The following ADAM10 variants were observed in gnomAD, a reference collection of about 807,000 sequenced individuals.
ADAM10 encodes the protein disintegrin and metalloproteinase domain-containing protein 10.
ADAM10 carries 17 observed loss-of-function variants against 90.1 expected under a neutral mutation model. That is an observed-to-expected ratio of 0.19 (90% CI 0.13 to 0.28). The LOEUF (loss-of-function observed/expected upper bound fraction) is 0.28, where lower values mean the gene tolerates loss of function less well. Ranked by LOEUF, ADAM10 falls within the 10% of genes least tolerant of loss-of-function variation. The pLI, the probability that ADAM10 is intolerant of heterozygous loss-of-function variation, is 1.00. For missense variants in ADAM10, 610 were observed against 914.3 expected (o/e 0.67, Z 4.29); for synonymous variants, 310 against 298.6 (o/e 1.04, Z -0.40).
rs16940634 is a variant in ADAM10 at position 58,636,473 on chromosome 15, T to A, written c.1013-3114A>T. 8.3e-3 allele frequency among the ~76,000 whole-genome samples: 1,270 copies of A among 152,264 alleles called. 19 individuals carry two copies. Among genetic ancestry groups the A allele is most frequent in the African/African-American group, 0.029 (1,209 of 41,546 alleles). On this transcript the variant is annotated intron_variant, in intron 8 of 15. Transcript: ENST00000260408. ...ATCATATATACCCACAGCTAAACCA[T>A]TAACTCAAACTCAATTGCTATATAT...
intron 8 of ADAM10, among the ~76,000 whole-genome samples, chr15:58,638,383 A>G (rs1896324559): frequency 6.6e-6 from 1 of 152,024 alleles, no homozygotes; most frequent in Non-Finnish European, 1.5e-5. Flanking sequence ...ATGAAAATAG[A>G]GGCGGGCGGA....
intron 8 of ADAM10, among the ~76,000 whole-genome samples, chr15:58,639,434 G>T (rs1896356214): frequency 6.6e-6 from 1 of 152,170 alleles, no homozygotes; most frequent in Non-Finnish European, 1.5e-5. Flanking sequence ...ACTTACTAAT[G>T]AATAGGGAGA....
At chr15:58,697,330 C>T (rs750993087) in intron 2 of ADAM10, among the ~76,000 whole-genome samples, 1 of 152,130 alleles carries the variant, frequency 6.6e-6, no homozygotes, top group African/African-American at 2.4e-5. Context: ...GAAAGCAACC[C>T]TTCCCTCCCC....
chr15:58,642,971 C>G (rs1896454309), intron 7 of ADAM10, among the ~76,000 whole-genome samples: 1 of 152,054 alleles, frequency 6.6e-6, no homozygotes, highest in South Asian at 2.1e-4. Flanking sequence ...TACTAAACTT[C>G]TCTAGTATAG....
chr15:58,598,004 G>A (rs1895003153), intron 15 of ADAM10, among the ~76,000 whole-genome samples: 1 of 152,102 alleles, frequency 6.6e-6, no homozygotes, highest in Non-Finnish European at 1.5e-5. Flanking sequence ...TCAGTGCTCA[G>A]CAGCCACAAG....
chr15:58,654,380 T>G (rs577228897), intron 5 of ADAM10, among the ~76,000 whole-genome samples: 2 of 152,160 alleles, frequency 1.3e-5, no homozygotes, highest in African/African-American at 4.8e-5. Context: ...TGTGTTATGT[T>G]GTGTTTTCTT....
At chr15:58,632,882 T>C (rs1337702866) in intron 9 of ADAM10, among the ~76,000 whole-genome samples, 1 of 152,246 alleles carries the variant, frequency 6.6e-6, no homozygotes, top group African/African-American at 2.4e-5. Context: ...TGATTCTCAT[T>C]CAAAAGATAT....
intron 3 of ADAM10, among the ~76,000 whole-genome samples, chr15:58,679,845 T>C (rs1298541310): frequency 1.3e-5 from 2 of 152,036 alleles, no homozygotes; most frequent in East Asian, 3.9e-4. Context: ...GAGGCGGAGG[T>C]TGCTGTGAGC....
At chr15:58,618,446 A>G (rs1895683134) in intron 11 of ADAM10, among the ~76,000 whole-genome samples, 1 of 152,218 alleles carries the variant, frequency 6.6e-6, no homozygotes, top group Non-Finnish European at 1.5e-5. Flanking sequence ...ATATCAGGAC[A>G]TTGATCTGAG....
At chr15:58,687,038 G>C (rs1377052465) in intron 2 of ADAM10, among the ~76,000 whole-genome samples, 1 of 152,090 alleles carries the variant, frequency 6.6e-6, no homozygotes, top group African/African-American at 2.4e-5. Flanking sequence ...TGTTGTTCCT[G>C]GAAGATATTT....
chr15:58,689,954 A>ACCGC (rs768784057), intron 2 of ADAM10, among the ~76,000 whole-genome samples: 1 of 117,628 alleles, frequency 8.5e-6, no homozygotes, highest in Non-Finnish European at 1.7e-5. Flanking sequence ...ACCCCCCCCA[A>ACCGC]AAAAAAAAAA....
At position 58,610,626 on chromosome 15, in the gene ADAM10, C is replaced by T. The variant is rs537268062; in HGVS notation, c.1805-109G>A. The T allele has an allele frequency of 2.8e-5, 29 of 1,052,716 alleles. No individual in the cohort carries two copies. In the South Asian group the frequency reaches 3.8e-4, roughly 14 times the overall value. The allele number at this position is 1,052,716 out of a possible 1,614,324, so 65.2% of individuals were successfully genotyped here. A position where few individuals can be genotyped will look rare whatever the true frequency, so the allele number is the denominator to read the frequency against. ...GAGGGAAAAAAAACTGAAATCATTA[C>T]CATAACATGTTATACAGACCTTCTC... On this transcript the variant is annotated intron_variant, in intron 13 of 15. Coordinates refer to ENST00000260408, the MANE Select transcript of ADAM10 (RefSeq NM_001110.4).
chr15:58,621,754 A>G (rs565520924), intron 10 of ADAM10, 133 bp from the exon 11 acceptor site: 1 of 1,153,550 alleles, frequency 8.7e-7, no homozygotes, highest in Non-Finnish European at 1.3e-6. Flanking sequence ...CAAACTAGGA[A>G]TCTGGAAATT....
At chr15:58,650,490 G>C (rs1251463014) in intron 5 of ADAM10, among the ~76,000 whole-genome samples, 1 of 152,078 alleles carries the variant, frequency 6.6e-6, no homozygotes. Flanking sequence ...AGTCCTTCAA[G>C]GTCCCAACCA....
In ADAM10 at chr15:58,647,248, A is replaced by ATTTCTTTTT. The variant is rs1162350060; in HGVS notation, c.586-1045_586-1044insAAAAAGAAA. On this transcript the variant is annotated intron_variant, in intron 5 of 15. Transcript: ENST00000260408. ...TGGCAGCAAAGAGTAGACACTAAGTATTTTTTTTTTTTTTTTTTTTTTTTT... is the reference window on the plus strand; with the variant it reads ...TGGCAGCAAAGAGTAGACACTAAGTATTTCTTTTTTTTTTTTTTTTTTTTTTTTTTTTTT... Among the ~76,000 whole-genome samples the ATTTCTTTTT allele has an allele frequency of 3.9e-4, 23 of 59,602 alleles. 3 individuals are homozygous for ATTTCTTTTT. Among genetic ancestry groups the ATTTCTTTTT allele is most frequent in the African/African-American group, 1.0e-3 (19 of 18,646 alleles). The allele number at this position is 59,602 out of a possible 152,430, so 39.1% of individuals were successfully genotyped here. A position where few individuals can be genotyped will look rare whatever the true frequency, so the allele number is the denominator to read the frequency against.
At chr15:58,686,690 A>G in intron 2 of ADAM10, 1 of 678,340 alleles carries the variant, frequency 1.5e-6, no homozygotes, top group Non-Finnish European at 2.7e-6. Flanking sequence ...TCAAGTCTCA[A>G]GAAAACACTT....
intron 2 of ADAM10, among the ~76,000 whole-genome samples, chr15:58,713,367 A>C (rs1479792909): frequency 4.6e-5 from 7 of 152,096 alleles, no homozygotes; most frequent in African/African-American, 1.7e-4. Context: ...CAGCCTCCCA[A>C]AGTGCTGGGA....
intron 10 of ADAM10, 96 bp downstream of exon 10, chr15:58,627,604 C>G (rs908703657): frequency 9.7e-7 from 1 of 1,034,858 alleles, no homozygotes; most frequent in Non-Finnish European, 1.5e-6. Context: ...TAGTAAAATG[C>G]AGGTGGTGGG....
intron 2 of ADAM10, among the ~76,000 whole-genome samples, chr15:58,701,496 C>T (rs180806181): frequency 6.6e-5 from 10 of 151,990 alleles, no homozygotes; most frequent in Admixed American, 4.6e-4. Flanking sequence ...CAAATGCTGG[C>T]GAGAATGTGA....
Sources: gnomAD v4.1 joint callset for allele counts (sites outside exome capture counted in the v4.1 genomes callset) on GRCh38, gnomAD v4.1.1 for gene constraint, MANE v1.5 for transcripts, NCBI Gene and HGNC (gene_info 2026-07-23, HGNC 2026-07-21) for gene names.